DPP9: variants seen among roughly 807,000 people sequenced by gnomAD.
DPP9 encodes dipeptidyl peptidase 9, also known as dipeptidyl peptidase IV-related protein-2.
A neutral mutation model predicts 110.7 loss-of-function variants in DPP9; 50 were observed. That is an observed-to-expected ratio of 0.45 (90% confidence interval 0.36 to 0.57). DPP9 has a LOEUF of 0.57. Among genes scored for constraint, DPP9 ranks in the 20% least tolerant of loss-of-function variants. The pLI, the probability that DPP9 is intolerant of heterozygous loss-of-function variation, is 0.00. For synonymous variants in DPP9, 561 were observed against 514.4 expected (o/e 1.09, Z -1.23); for missense variants, 1,022 against 1,217.9 (o/e 0.84, Z 2.39).
intron 4 of DPP9, among the ~76,000 whole-genome samples, chr19:4,709,437 G>C (rs2092731722): frequency 6.6e-6 from 1 of 152,266 alleles, no homozygotes; most frequent in African/African-American, 2.4e-5. Flanking sequence ...GAAAAATCGT[G>C]CGGAGACTCA....
intron 11 of DPP9, among the ~76,000 whole-genome samples, chr19:4,696,760 T>G (rs60871803): frequency 0.088 from 13,245 of 150,490 alleles, 1,154 homozygotes; most frequent in African/African-American, 0.23. Context: ...AAAAAAAAAT[T>G]AAAATATTAG....
chr19:4,693,812 C>T lies in DPP9; in HGVS notation c.1516+849G>A, dbSNP rs1361154419. Among the ~76,000 whole-genome samples the T allele has an allele frequency of 6.6e-6, 1 of 151,976 alleles. No individual in the cohort carries two copies. Among genetic ancestry groups the T allele is most frequent in the Non-Finnish European group, 1.5e-5 (1 of 67,942 alleles). On this transcript the variant is annotated intron_variant, in intron 13 of 21. Coordinates refer to ENST00000262960, the MANE Select transcript of DPP9 (RefSeq NM_139159.5). This position sits in a 1 kb window ranked among gnomAD's most constrained non-coding sequence, Gnocchi z 5.0. The stretch of plus-strand genomic sequence containing the variant: ...GCCCTGCACCATCTGCTTTTTCTCT[C>T]CCCACCCTCTCCTCCCTCTCTCCCC...
chr19:4,679,622 G>A (rs1308912273), intron 21 of DPP9: 1 of 564,194 alleles, frequency 1.8e-6, no homozygotes, highest in African/African-American at 1.9e-5. Context: ...CCGAAGGCAG[G>A]CGGAACCCTG....
rs763600673 is a variant in DPP9 at position 4,704,266 on chromosome 19, C to T, written c.465G>A (p.Glu155=). The change falls in exon 6 of 22, where the codon GAG becomes GAA. Residue 155 remains glutamate (E), a synonymous_variant. Coordinates refer to ENST00000262960, the MANE Select transcript of DPP9 (RefSeq NM_139159.5). The surrounding 1 kb of genome is among the most constrained non-coding windows in gnomAD (Gnocchi z 6.0). The part of the protein sequence containing the change: ...PHHGVYSREE[E]LLRERKRLGV... ...CCAGGCGTTTCCGCTCCCTCAGCAG[C>T]TCCTCCTCCCGAGAGTAGACCCCAT... The T allele has an allele frequency of 5.0e-6, 8 of 1,613,622 alleles. No individual in the cohort carries two copies. Among genetic ancestry groups the T allele is most frequent in the African/African-American group, 1.3e-5 (1 of 74,928 alleles).
Position 4,676,396 on chromosome 19 carries a change from G to T in DPP9, c.*168C>A. 1 of 619,154 alleles carries T rather than the reference G, an allele frequency of 1.6e-6. No individual in the cohort carries two copies. Among genetic ancestry groups the T allele is most frequent in the Non-Finnish European group, 2.9e-6 (1 of 347,288 alleles). The allele number at this position is 619,154 out of a possible 1,614,324, so 38.4% of individuals were successfully genotyped here. On this transcript the variant is annotated 3_prime_UTR_variant, in exon 22 of 22. Coordinates refer to ENST00000262960, the MANE Select transcript of DPP9 (RefSeq NM_139159.5). This position sits in a 1 kb window ranked among gnomAD's most constrained non-coding sequence, Gnocchi z 4.0. The stretch of plus-strand genomic sequence containing the variant: ...TAAAACCCAAGAGCGTTTAAAAAAG[G>T]ATAAAAGGCGTCGGGGCGGTGAAGG...
At position 4,695,341 on chromosome 19, in the gene DPP9, C is replaced by T; in HGVS notation, c.1353+37G>A. 1 of 1,523,604 alleles carries T rather than the reference C, an allele frequency of 6.6e-7. No individual in the cohort carries two copies. Among genetic ancestry groups the T allele is most frequent in the Non-Finnish European group, 8.8e-7 (1 of 1,134,160 alleles). The allele number at this position is 1,523,604 out of a possible 1,614,324, so 94.4% of individuals were successfully genotyped here. ...GGGTGGGGACAGTGTGACTCCAGGGCCCAGGCGGGCATACAGCCAGCGCTT... is the reference window on the plus strand; with the variant it reads ...GGGTGGGGACAGTGTGACTCCAGGGTCCAGGCGGGCATACAGCCAGCGCTT... On this transcript the variant is annotated intron_variant, in intron 12 of 21. Coordinates refer to ENST00000262960, the MANE Select transcript of DPP9 (RefSeq NM_139159.5). This position sits in a 1 kb window ranked among gnomAD's most constrained non-coding sequence, Gnocchi z 4.7.
chr19:4,684,885 G>T lies in DPP9; in HGVS notation c.2032-76C>A. On this transcript the variant is annotated intron_variant, in intron 17 of 21. Transcript: ENST00000262960. The surrounding 1 kb of genome is among the most constrained non-coding windows in gnomAD (Gnocchi z 4.8). ...GGCCTGGCAGGGGAGATGCCGGTGGGCTGGGGACCGGGCCGGGCTGGGGCC... is the reference window on the plus strand; with the variant it reads ...GGCCTGGCAGGGGAGATGCCGGTGGTCTGGGGACCGGGCCGGGCTGGGGCC... 6.5e-7 allele frequency: 1 copy of T among 1,541,050 alleles called. No homozygotes were observed. The highest frequency in any genetic ancestry group is 1.2e-5 in the South Asian group (1 of 83,664).
chr19:4,695,925 C>G lies in DPP9; in HGVS notation c.1176-370G>C, dbSNP rs1721190487. Among the ~76,000 whole-genome samples the G allele has an allele frequency of 6.6e-6, 1 of 152,098 alleles. No individual in the cohort carries two copies. The highest frequency in any genetic ancestry group is 6.5e-5 in the Admixed American group (1 of 15,270). ...TATTTCTTTATTTAATTTTTTGAGA[C>G]AGAGTTTCACTCTTGTCCAGGCTGA... On this transcript the variant is annotated intron_variant, in intron 11 of 21. Coordinates refer to ENST00000262960, the MANE Select transcript of DPP9 (RefSeq NM_139159.5). The surrounding 1 kb of genome is among the most constrained non-coding windows in gnomAD (Gnocchi z 4.7).
At chr19:4,703,020 G>A (rs1188235858) in intron 7 of DPP9, among the ~76,000 whole-genome samples, 1 of 151,890 alleles carries the variant, frequency 6.6e-6, no homozygotes, top group African/African-American at 2.4e-5. Context: ...CAAGCCAGGA[G>A]CACCCCCGCC....
chr19:4,677,794 T>C (rs1165706479), intron 21 of DPP9, among the ~76,000 whole-genome samples: 1 of 152,198 alleles, frequency 6.6e-6, no homozygotes, highest in Non-Finnish European at 1.5e-5. Context: ...CCCAGCTGCC[T>C]GGTTACTTTT....
Position 4,684,651 on chromosome 19 carries a change from A to G in DPP9, c.2178+12T>C, listed in dbSNP as rs777896575. The G allele has an allele frequency of 6.2e-6, 10 of 1,612,802 alleles. No individual in the cohort carries two copies. Among genetic ancestry groups the G allele is most frequent in the African/African-American group, 1.3e-5 (1 of 74,886 alleles). On this transcript the variant is annotated intron_variant, in intron 18 of 21. Transcript: ENST00000262960. The surrounding 1 kb of genome is among the most constrained non-coding windows in gnomAD (Gnocchi z 4.8). ...ACCCAAAGGACCCAGAGCAACAGGG[A>G]GGAGTTGTTACCATTTGGTTTTTCA... is the stretch of plus-strand genomic sequence containing the variant.
At position 4,685,964 on chromosome 19, in the gene DPP9, G is replaced by A; in HGVS notation, c.1886-193C>T. On this transcript the variant is annotated intron_variant, in intron 16 of 21. Coordinates refer to ENST00000262960, the MANE Select transcript of DPP9 (RefSeq NM_139159.5). This position sits in a 1 kb window ranked among gnomAD's most constrained non-coding sequence, Gnocchi z 5.8. The stretch of plus-strand genomic sequence containing the variant: ...AGATTTGTACAGTTTTTGTAGAGAT[G>A]GGGTCTTGTCTCCCTGTTGCCCAGG... The A allele has an allele frequency of 1.7e-6, 1 of 598,368 alleles. No individual in the cohort carries two copies. Among genetic ancestry groups the A allele is most frequent in the South Asian group, 2.1e-5 (1 of 48,082 alleles). 37.1% of individuals were successfully genotyped at this position (598,368 alleles called of 1,614,324 possible). A position where few individuals can be genotyped will look rare whatever the true frequency, so the allele number is the denominator to read the frequency against.
In DPP9 at chr19:4,682,935, G is replaced by T; in HGVS notation, c.2332-97C>A. The T allele has an allele frequency of 6.5e-7, 1 of 1,535,904 alleles. No homozygotes were observed. Among genetic ancestry groups the T allele is most frequent in the Non-Finnish European group, 8.7e-7 (1 of 1,146,332 alleles). On this transcript the variant is annotated intron_variant, in intron 19 of 21. Transcript: ENST00000262960. The surrounding 1 kb of genome is among the most constrained non-coding windows in gnomAD (Gnocchi z 7.1). ...CAGCCGCTGTCCCGGGGCCGCCCTG[G>T]AGCCCGTGAGGAGCGCTCATGCACA...
At position 4,682,777 on chromosome 19, in the gene DPP9, C is replaced by T. The variant is rs2090083483; in HGVS notation, c.2393G>A (p.Arg798His). 2.5e-6 allele frequency: 4 copies of T among 1,603,318 alleles called. No individual in the cohort carries two copies. The highest frequency in any genetic ancestry group is 1.3e-5 in the African/African-American group (1 of 74,764). Residue 798 changes from arginine to histidine, a missense_variant, in exon 20 of 22, where the codon CGC becomes CAC. Physicochemically the swap from Arg to His is conservative, Grantham distance 29. Transcript: ENST00000262960. The surrounding 1 kb of genome is among the most constrained non-coding windows in gnomAD (Gnocchi z 7.1). Reference sequence around the variant, plus strand: ...GTTGTTCTCAGGGACGTCCATGTAGCGCTCAGTGTACCCTGTGTCGTAGGC... The same window carrying T: ...GTTGTTCTCAGGGACGTCCATGTAGTGCTCAGTGTACCCTGTGTCGTAGGC... ...WMAYDTGYTE[R>H]YMDVPENNQH...
In DPP9 at chr19:4,687,264, G is replaced by A. The variant is rs1387763411; in HGVS notation, c.1885+1493C>T. Among the ~76,000 whole-genome samples, 3 of 152,146 alleles carry A rather than the reference G, an allele frequency of 2.0e-5. No homozygotes were observed. Among genetic ancestry groups the A allele is most frequent in the Non-Finnish European group, 4.4e-5 (3 of 68,046 alleles). On this transcript the variant is annotated intron_variant, in intron 16 of 21. Transcript: ENST00000262960. The surrounding 1 kb of genome is among the most constrained non-coding windows in gnomAD (Gnocchi z 4.7). ...GCCCACGGAATACCCCGCATATGCT[G>A]GAAATTCGTTGTGTTTAGAATGTTC...
At chr19:4,679,629 C>T (rs2089508292) in intron 21 of DPP9, 2 of 572,276 alleles carry the variant, frequency 3.5e-6, no homozygotes, top group South Asian at 4.1e-5. Context: ...CAGGCGGAAC[C>T]CTGAGCTGTC....
chr19:4,700,356 G>A lies in DPP9; in HGVS notation c.1013-79C>T, dbSNP rs1002252419. The A allele has an allele frequency of 1.0e-5, 12 of 1,199,318 alleles. No homozygotes were observed. Among genetic ancestry groups the A allele is most frequent in the East Asian group, 5.3e-5 (2 of 37,550 alleles). 74.3% of individuals were successfully genotyped at this position (1,199,318 alleles called of 1,614,324 possible). A position where few individuals can be genotyped will look rare whatever the true frequency, so the allele number is the denominator to read the frequency against. ...AGAGCCGGCACGGGGGGCCTGGGCT[G>A]TGGGGTGACGTCCACAGAGAGGTGT... On this transcript the variant is annotated intron_variant, in intron 9 of 21. Transcript: ENST00000262960. The surrounding 1 kb of genome is among the most constrained non-coding windows in gnomAD (Gnocchi z 4.3).
intron 21 of DPP9, 118 bp downstream of exon 21, chr19:4,679,717 C>T (rs1284206474): frequency 1.6e-5 from 12 of 741,752 alleles, no homozygotes; most frequent in Non-Finnish European, 2.5e-5. Context: ...GGGCTGGGAG[C>T]CCCAGATCCC....
Position 4,694,866 on chromosome 19 carries a change from G to A in DPP9, c.1354-43C>T, listed in dbSNP as rs566015311. The stretch of plus-strand genomic sequence containing the variant: ...AGAAGATGCGTCAGAAGGTGTGGGT[G>A]GCCGGGCATGGTGGCTCACACCAGT... On this transcript the variant is annotated intron_variant, in intron 12 of 21. Coordinates refer to ENST00000262960, the MANE Select transcript of DPP9 (RefSeq NM_139159.5). The surrounding 1 kb of genome is among the most constrained non-coding windows in gnomAD (Gnocchi z 4.0). 3.1e-6 allele frequency: 5 copies of A among 1,599,162 alleles called. No individual in the cohort carries two copies. Among genetic ancestry groups the A allele is most frequent in the South Asian group, 1.1e-5 (1 of 90,170 alleles).
Sources: allele counts gnomAD v4.1 joint callset (sites outside exome capture counted in the v4.1 genomes callset), GRCh38; gene constraint gnomAD v4.1.1; non-coding constraint Gnocchi (gnomAD v3.1); transcripts MANE v1.5; gene names NCBI Gene and HGNC (gene_info 2026-07-23, HGNC 2026-07-21).